MEGF10: variants seen among roughly 807,000 people sequenced by gnomAD.
The protein encoded by MEGF10 is multiple EGF like domains 10, also known as multiple epidermal growth factor-like domains protein 10.
A neutral mutation model predicts 147.5 loss-of-function variants in MEGF10; 86 were observed. The ratio of observed to expected loss-of-function variants is 0.58; its 90% CI spans 0.49 to 0.70. The LOEUF is 0.70. Among genes scored for constraint, MEGF10 ranks in the 30% least tolerant of loss-of-function variants. The pLI is 0.00. For missense variants in MEGF10, 1,329 were observed against 1,487.3 expected, an observed-to-expected ratio of 0.89 and a Z score of 1.75; for synonymous variants, 478 against 525.5, an observed-to-expected ratio of 0.91 and a Z score of 1.24.
the MEGF10 span, among the ~76,000 whole-genome samples, chr5:127,239,438 G>GTA: frequency 1.4e-4 from 18 of 124,980 alleles, no homozygotes; most frequent in South Asian, 2.5e-4. Context: ...AATAAACACA[G>GTA]TATATATATA....
chr5:127,443,687 C>G lies in MEGF10; in HGVS notation c.2491+561C>G, dbSNP rs1271246889. Among the ~76,000 whole-genome samples the G allele has an allele frequency of 2.6e-5, 4 of 152,134 alleles. No homozygotes were observed. In the East Asian group the frequency reaches 7.7e-4, roughly 29 times the overall value. ...AGAATTTTATATAAATGAAATCATACTGTACTCTTTTGGGTCTGGCTTTGT... is the reference window on the plus strand; with the variant it reads ...AGAATTTTATATAAATGAAATCATAGTGTACTCTTTTGGGTCTGGCTTTGT... On this transcript the variant is annotated intron_variant, in intron 19 of 24. Coordinates refer to ENST00000503335, the MANE Select transcript of MEGF10 (RefSeq NM_001256545.2).
At chr5:127,252,712 T>A in the MEGF10 span, among the ~76,000 whole-genome samples, 3 of 151,888 alleles carry the variant, frequency 2.0e-5, no homozygotes, top group African/African-American at 7.2e-5. Flanking sequence ...TCTTTTCAAT[T>A]AGGTATAGTT....
Position 127,352,610 on chromosome 5 carries a change from G to A in MEGF10, c.319+11980G>A, listed in dbSNP as rs563584460. 7.2e-5 allele frequency among the ~76,000 whole-genome samples: 11 copies of A among 152,252 alleles called. No homozygotes were observed. In the South Asian group the frequency reaches 1.2e-3, roughly 17 times the overall value. On this transcript the variant is annotated intron_variant, in intron 4 of 24. Coordinates refer to ENST00000503335, the MANE Select transcript of MEGF10 (RefSeq NM_001256545.2). The stretch of plus-strand genomic sequence containing the variant: ...CAGGAGGTGGAGGTTGCAGTGAGCC[G>A]GAGCCGAGATGGCGACATTGCACTT...
At chr5:127,373,030 T>A (rs1762900163) in intron 5 of MEGF10, among the ~76,000 whole-genome samples, 1 of 152,256 alleles carries the variant, frequency 6.6e-6, no homozygotes, top group Non-Finnish European at 1.5e-5. Context: ...CTCCTGCATT[T>A]ATTCAAACAT....
intron 1 of MEGF10, among the ~76,000 whole-genome samples, chr5:127,326,177 A>G (rs894568633): frequency 6.6e-6 from 1 of 151,788 alleles, no homozygotes; most frequent in African/African-American, 2.4e-5. Flanking sequence ...GGCTTCCCAA[A>G]GTATTAGGAT....
intron 5 of MEGF10, among the ~76,000 whole-genome samples, chr5:127,391,680 G>A (rs1416335236): frequency 6.6e-6 from 1 of 151,940 alleles, no homozygotes; most frequent in Non-Finnish European, 1.5e-5. Flanking sequence ...ATGACTCAGG[G>A]TGCACAGATT....
intron 4 of MEGF10, among the ~76,000 whole-genome samples, chr5:127,369,104 C>T (rs999004553): frequency 9.9e-5 from 15 of 152,074 alleles, no homozygotes; most frequent in African/African-American, 2.9e-4. Flanking sequence ...TTAGAATATC[C>T]GAACCCCAAA....
chr5:127,445,591 T>C lies in MEGF10; in HGVS notation c.2626T>C (p.Phe876Leu). The C allele has an allele frequency of 6.2e-7, 1 of 1,614,050 alleles. No homozygotes were observed. The highest frequency in any genetic ancestry group is 2.2e-5 in the East Asian group (1 of 44,872). ...VLVVLFLLAL[F>L]IIYRHKQKGK... ...AGTTGTTCTCTTCCTACTGGCATTG[T>C]TCATTATTTATAGACACAAGCAGAA... Residue 876 changes from phenylalanine to leucine, a missense_variant, in exon 20 of 25, where the codon TTC becomes CTC. By Grantham distance (22) the Phe-to-Leu change is conservative. Around this residue, in one of 3 missense-constraint regions of MEGF10, gnomAD observed 343 missense variants for 377.9 expected, o/e 0.91. Transcript: ENST00000503335.
intron 5 of MEGF10, among the ~76,000 whole-genome samples, chr5:127,389,748 C>CA (rs1480201130): frequency 6.6e-6 from 1 of 151,782 alleles, no homozygotes; most frequent in Non-Finnish European, 1.5e-5. Flanking sequence ...TAAAGAGGAA[C>CA]AACAGACACT....
intron 4 of MEGF10, among the ~76,000 whole-genome samples, chr5:127,354,517 G>C (rs1419595266): frequency 1.3e-5 from 2 of 152,200 alleles, no homozygotes; most frequent in Non-Finnish European, 2.9e-5. Flanking sequence ...TGGGCTAAGA[G>C]AGAAAGAGCA....
At chr5:127,373,185 C>T (rs1178430476) in intron 5 of MEGF10, among the ~76,000 whole-genome samples, 2 of 152,122 alleles carry the variant, frequency 1.3e-5, no homozygotes, top group Non-Finnish European at 2.9e-5. Context: ...TAGAGTCTCG[C>T]TCTGTCACCT....
At chr5:127,274,239 T>A in the MEGF10 span, among the ~76,000 whole-genome samples, 1 of 152,186 alleles carries the variant, frequency 6.6e-6, no homozygotes, top group Non-Finnish European at 1.5e-5. Context: ...TTAAAAAGAC[T>A]TACTTAAAAG....
chr5:127,362,525 G>A (rs1215430515), intron 4 of MEGF10, among the ~76,000 whole-genome samples: 1 of 151,590 alleles, frequency 6.6e-6, no homozygotes. Flanking sequence ...CACCACGCCC[G>A]GCTAATTTTT....
chr5:127,268,489 C>T, the MEGF10 span, among the ~76,000 whole-genome samples: 5 of 152,142 alleles, frequency 3.3e-5, no homozygotes, highest in Non-Finnish European at 7.4e-5. Flanking sequence ...CTTTCTGTCT[C>T]GTTGATCTGT....
chr5:127,353,019 C>A (rs1762141780), intron 4 of MEGF10, among the ~76,000 whole-genome samples: 1 of 152,180 alleles, frequency 6.6e-6, no homozygotes, highest in African/African-American at 2.4e-5. Flanking sequence ...CCTCCTTTCC[C>A]AAGACCTCAA....
chr5:127,373,491 A>C (rs1762920215), intron 5 of MEGF10, among the ~76,000 whole-genome samples: 2 of 152,098 alleles, frequency 1.3e-5, no homozygotes, highest in African/African-American at 4.8e-5. Context: ...TTTGATTTTG[A>C]GTGCTTTCTT....
intron 22 of MEGF10, among the ~76,000 whole-genome samples, chr5:127,454,218 G>A (rs184277917): frequency 7.9e-5 from 12 of 152,322 alleles, no homozygotes; most frequent in African/African-American, 2.9e-4. Flanking sequence ...CCTTGAAAGA[G>A]CTGCACGTAG....
chr5:127,391,102 GCACACACACACACACACACACA>G (rs70997334), intron 5 of MEGF10, among the ~76,000 whole-genome samples: 5 of 53,894 alleles, frequency 9.3e-5, no homozygotes, highest in Admixed American at 1.8e-4. Flanking sequence ...GCGCGCGCGC[GCACACACACACACACACACACA>G]CACACACACA....
chr5:127,398,636 G>T (rs572246458), intron 6 of MEGF10, 40 bp from the exon 7 acceptor site: 1 of 1,612,938 alleles, frequency 6.2e-7, no homozygotes, highest in African/African-American at 1.3e-5. Context: ...TCATGTGTCT[G>T]GGAAATAACA....
Sources: allele counts gnomAD v4.1 joint callset (sites outside exome capture counted in the v4.1 genomes callset), GRCh38; gene constraint gnomAD v4.1.1; regional missense constraint gnomAD v4.1.1; transcripts MANE v1.5; gene names NCBI Gene and HGNC (gene_info 2026-07-23, HGNC 2026-07-21).